The following ATG10 variants were observed in gnomAD, a reference collection of about 807,000 sequenced individuals.
ATG10 encodes ubiquitin-like-conjugating enzyme ATG10.
In ATG10, 30 loss-of-function variants were observed where a neutral mutation model predicts 32.1. The observed-to-expected ratio is 0.94, with a 90% CI of 0.70 to 1.27. The LOEUF is 1.27. Ranked by LOEUF, ATG10 falls within the 50% of genes most tolerant of loss-of-function variation. The pLI, the probability that ATG10 is intolerant of heterozygous loss-of-function variation, is 0.00. For synonymous variants in ATG10, 87 were observed against 91.5 expected (o/e 0.95, Z 0.28); for missense variants, 233 against 262.3 (o/e 0.89, Z 0.77).
At chr5:82,061,584 C>T (rs1188661685) in intron 3 of ATG10, among the ~76,000 whole-genome samples, 1 of 151,398 alleles carries the variant, frequency 6.6e-6, no homozygotes, top group Non-Finnish European at 1.5e-5. Flanking sequence ...GCTCACTTAA[C>T]AAATCAGATG....
At position 82,018,261 on chromosome 5, in the gene ATG10, A is replaced by AT. The variant is rs377194679; in HGVS notation, c.108+30591dup. Among the ~76,000 whole-genome samples the AT allele has an allele frequency of 8.5e-3, 1,297 of 151,798 alleles. 21 individuals carry two copies. The highest frequency in any genetic ancestry group is 0.03 in the African/African-American group (1,236 of 41,386). ...TACTGGAACTATCTTTAACTCCTTT[A>AT]TTTTTTTTACACCCCACATCTAATC... is the stretch of plus-strand genomic sequence containing the variant. On this transcript the variant is annotated intron_variant, in intron 2 of 7. Coordinates refer to ENST00000282185, the MANE Select transcript of ATG10 (RefSeq NM_031482.5).
At chr5:82,160,597 A>C (rs1053844060) in intron 3 of ATG10, among the ~76,000 whole-genome samples, 1 of 152,176 alleles carries the variant, frequency 6.6e-6, no homozygotes, top group Non-Finnish European at 1.5e-5. Flanking sequence ...GAGAGGCTAT[A>C]CACTGTTTTA....
At chr5:82,120,229 G>C (rs530871171) in intron 3 of ATG10, among the ~76,000 whole-genome samples, 3 of 152,106 alleles carry the variant, frequency 2.0e-5, no homozygotes, top group Non-Finnish European at 4.4e-5. Context: ...TGCTTGACTT[G>C]TTGCAATTAT....
At chr5:82,000,734 G>A (rs530373006) in intron 2 of ATG10, among the ~76,000 whole-genome samples, 117 of 152,222 alleles carry the variant, frequency 7.7e-4, no homozygotes, top group African/African-American at 2.7e-3. Flanking sequence ...TCGGCTCACT[G>A]CAACCCCGTC....
At chr5:82,166,746 G>A (rs368259320) in intron 4 of ATG10, among the ~76,000 whole-genome samples, 3 of 152,108 alleles carry the variant, frequency 2.0e-5, no homozygotes, top group East Asian at 3.9e-4. Flanking sequence ...TTCCAGGCCC[G>A]GATTTTTCTT....
At chr5:82,167,956 G>A (rs1743646090) in intron 4 of ATG10, among the ~76,000 whole-genome samples, 3 of 152,186 alleles carry the variant, frequency 2.0e-5, no homozygotes, top group African/African-American at 2.4e-5. Context: ...TCAGGAGAGG[G>A]TGAGACATAA....
At chr5:82,193,081 A>G (rs1451564580) in intron 5 of ATG10, among the ~76,000 whole-genome samples, 2 of 152,212 alleles carry the variant, frequency 1.3e-5, no homozygotes, top group Non-Finnish European at 2.9e-5. Flanking sequence ...GCAGCAGAAT[A>G]GCCCATCTGG....
At chr5:82,186,611 T>C (rs986734115) in intron 5 of ATG10, among the ~76,000 whole-genome samples, 3 of 116,568 alleles carry the variant, frequency 2.6e-5, no homozygotes, top group Non-Finnish European at 5.3e-5. Context: ...TTTTTTTTTT[T>C]CAGACAGAGT....
At chr5:82,191,819 A>G (rs1744673075) in intron 5 of ATG10, among the ~76,000 whole-genome samples, 1 of 152,178 alleles carries the variant, frequency 6.6e-6, no homozygotes. Flanking sequence ...TGCAGCCCTA[A>G]TCAGGAGTCC....
intron 3 of ATG10, among the ~76,000 whole-genome samples, chr5:82,115,964 G>C (rs1476230208): frequency 6.6e-6 from 1 of 152,114 alleles, no homozygotes; most frequent in Non-Finnish European, 1.5e-5. Context: ...ATAGGTAAAA[G>C]GCTGAGAACA....
chr5:82,206,454 T>C (rs1445931385), intron 5 of ATG10, among the ~76,000 whole-genome samples: 1 of 151,996 alleles, frequency 6.6e-6, no homozygotes, highest in African/African-American at 2.4e-5. Context: ...AAGACCATCC[T>C]GACTAACACG....
At chr5:82,215,664 G>A (rs554576279) in intron 5 of ATG10, among the ~76,000 whole-genome samples, 5 of 152,146 alleles carry the variant, frequency 3.3e-5, no homozygotes, top group South Asian at 2.1e-4. Flanking sequence ...GGCCAGACAC[G>A]GTGGCTCACA....
chr5:81,974,868 T>C (rs1017771271), intron 1 of ATG10, among the ~76,000 whole-genome samples: 1 of 152,008 alleles, frequency 6.6e-6, no homozygotes, highest in Non-Finnish European at 1.5e-5. Context: ...TCAGGTTCTT[T>C]ACTGGTCTAC....
chr5:81,979,452 C>T lies in ATG10; in HGVS notation c.-13+7146C>T, dbSNP rs371771989. The stretch of plus-strand genomic sequence containing the variant: ...CTGAGGCAGGAGAATGGCGTGAACT[C>T]GGGAGGCGGAGCTTGCAGTGAGCCG... On this transcript the variant is annotated intron_variant, in intron 1 of 7. Transcript: ENST00000282185. 1.4e-4 allele frequency among the ~76,000 whole-genome samples: 22 copies of T among 152,126 alleles called. No individual in the cohort carries two copies. In the Middle Eastern group the frequency reaches 0.01, roughly 71 times the overall value.
intron 3 of ATG10, among the ~76,000 whole-genome samples, chr5:82,077,221 G>A (rs1019225651): frequency 4.6e-5 from 7 of 152,106 alleles, no homozygotes; most frequent in African/African-American, 1.4e-4. Flanking sequence ...TACACGAGAG[G>A]CTGAGGTAGG....
At chr5:81,989,104 C>T (rs1283423973) in intron 2 of ATG10, among the ~76,000 whole-genome samples, 1 of 152,218 alleles carries the variant, frequency 6.6e-6, no homozygotes, top group Non-Finnish European at 1.5e-5. Context: ...GCTGGGATTA[C>T]AAGCATGAGC....
intron 3 of ATG10, among the ~76,000 whole-genome samples, chr5:82,078,032 A>G (rs145419870): frequency 6.6e-6 from 1 of 152,308 alleles, no homozygotes; most frequent in East Asian, 1.9e-4. Context: ...TTTCTAACTT[A>G]AGTGTAATAT....
chr5:82,161,826 A>G (rs932613960), intron 3 of ATG10, among the ~76,000 whole-genome samples: 1 of 151,910 alleles, frequency 6.6e-6, no homozygotes, highest in Admixed American at 6.6e-5. Context: ...ACAAAACAAA[A>G]ATCAGTTGGA....
intron 2 of ATG10, among the ~76,000 whole-genome samples, chr5:82,018,405 T>A (rs1762344064): frequency 6.6e-6 from 1 of 152,232 alleles, no homozygotes; most frequent in Non-Finnish European, 1.5e-5. Context: ...ATTACCTTCC[T>A]AATGATCTGA....
Sources: allele counts gnomAD v4.1 joint callset (sites outside exome capture counted in the v4.1 genomes callset), GRCh38; gene constraint gnomAD v4.1.1; transcripts MANE v1.5; gene names NCBI Gene and HGNC (gene_info 2026-07-23, HGNC 2026-07-21).